Variants in RBFOX3 observed in about 807,000 individuals in gnomAD.
The protein encoded by RBFOX3 is RNA binding protein fox-1 homolog 3.
Under a neutral mutation model 48.7 loss-of-function variants are expected in RBFOX3, and 17 were observed. That is an observed-to-expected ratio of 0.35 (90% confidence interval 0.24 to 0.52). The LOEUF (loss-of-function observed/expected upper bound fraction) is 0.52, where lower values mean the gene tolerates loss of function less well. RBFOX3 is among the 20% of genes least tolerant of loss of function. The probability of loss-of-function intolerance (pLI) is 0.94; values close to 1 mark genes in which losing one functional copy is unlikely to be tolerated. For synonymous variants in RBFOX3, 212 were observed against 209.5 expected (o/e 1.01, Z -0.10); for missense variants, 382 against 497.5 (o/e 0.77, Z 2.21).
chr17:79,236,677 C>T (rs191600183), intron 3 of RBFOX3, among the ~76,000 whole-genome samples: 1 of 152,302 alleles, frequency 6.6e-6, no homozygotes, highest in East Asian at 1.9e-4. Context: ...AGGAACAGCT[C>T]AGTGATACGG....
intron 2 of RBFOX3, among the ~76,000 whole-genome samples, chr17:79,452,207 G>A (rs2073651757): frequency 6.6e-6 from 1 of 152,200 alleles, no homozygotes; most frequent in South Asian, 2.1e-4. Context: ...GAGGAAGGCG[G>A]AGGTGAGAGT....
intron 2 of RBFOX3, among the ~76,000 whole-genome samples, chr17:79,371,237 C>A (rs745318166): frequency 2.9e-4 from 44 of 152,250 alleles, no homozygotes; most frequent in Non-Finnish European, 1.5e-4. Context: ...CCACTTTGCT[C>A]TGCCTGGGCA....
At chr17:79,127,713 T>G (rs2037681824) in intron 4 of RBFOX3, among the ~76,000 whole-genome samples, 1 of 152,168 alleles carries the variant, frequency 6.6e-6, no homozygotes, top group Non-Finnish European at 1.5e-5. Flanking sequence ...CCAGGAAAGA[T>G]GTCCTGCCAT....
intron 2 of RBFOX3, among the ~76,000 whole-genome samples, chr17:79,360,149 C>T (rs1261287007): frequency 2.0e-5 from 3 of 152,138 alleles, no homozygotes; most frequent in Non-Finnish European, 4.4e-5. Context: ...AGCAAGCATG[C>T]TGTGCTCATG....
intron 4 of RBFOX3, among the ~76,000 whole-genome samples, chr17:79,159,494 C>G (rs562888810): frequency 6.6e-6 from 1 of 152,304 alleles, no homozygotes; most frequent in East Asian, 1.9e-4. Flanking sequence ...GCATCTGTGG[C>G]AGGCTCCTGG....
intron 1 of RBFOX3, among the ~76,000 whole-genome samples, chr17:79,544,317 G>A (rs782149789): frequency 2.0e-4 from 31 of 152,276 alleles, no homozygotes; most frequent in East Asian, 3.9e-4. Flanking sequence ...GAGCTCAGGC[G>A]CGCTGGCACG....
chr17:79,118,427 G>A (rs2034704352), intron 4 of RBFOX3, among the ~76,000 whole-genome samples: 1 of 152,154 alleles, frequency 6.6e-6, no homozygotes, highest in Non-Finnish European at 1.5e-5. Context: ...GTGGGAAGGG[G>A]TGGATCCATG....
At chr17:79,557,254 AG>A (rs1412344486) in intron 1 of RBFOX3, among the ~76,000 whole-genome samples, 1 of 150,184 alleles carries the variant, frequency 6.7e-6, no homozygotes, top group African/African-American at 2.4e-5. Context: ...AAAAAAGGAA[AG>A]GAAAGGAAAG....
intron 4 of RBFOX3, among the ~76,000 whole-genome samples, chr17:79,177,437 G>A (rs557810631): frequency 3.4e-4 from 52 of 152,320 alleles, no homozygotes; most frequent in African/African-American, 1.2e-3. Flanking sequence ...CTGGAGAGGA[G>A]AGGCGGGAGG....
chr17:79,442,017 A>G (rs963971369), intron 2 of RBFOX3, among the ~76,000 whole-genome samples: 53 of 151,858 alleles, frequency 3.5e-4, no homozygotes, highest in African/African-American at 1.2e-3. Flanking sequence ...TCCAGCCCCA[A>G]ACTTCTCAGG....
chr17:79,240,145 G>A (rs2062150663), intron 3 of RBFOX3, among the ~76,000 whole-genome samples: 1 of 152,220 alleles, frequency 6.6e-6, no homozygotes, highest in African/African-American at 2.4e-5. Context: ...ACCTCCCAAA[G>A]CCTTTAACCC....
intron 2 of RBFOX3, among the ~76,000 whole-genome samples, chr17:79,360,176 T>C (rs887916960): frequency 1.3e-5 from 2 of 152,160 alleles, no homozygotes; most frequent in African/African-American, 4.8e-5. Context: ...AAATACTTCA[T>C]GGTACTGGAG....
At chr17:79,375,212 G>A (rs2147768915) in intron 2 of RBFOX3, among the ~76,000 whole-genome samples, 1 of 152,312 alleles carries the variant, frequency 6.6e-6, no homozygotes, top group Non-Finnish European at 1.5e-5. Flanking sequence ...AAGAGTCAGT[G>A]AAGGAAAATC....
rs1160232700 is a variant in RBFOX3, at chr17:79,521,727, GCA to G, written c.-319-39131_-319-39130del. Among the ~76,000 whole-genome samples, 176 of 150,838 alleles carry G rather than the reference GCA, an allele frequency of 1.2e-3. 1 individual carries two copies. The highest frequency in any genetic ancestry group is 0.011 in the South Asian group (53 of 4,718). On this transcript the variant is annotated intron_variant, in intron 1 of 14. Coordinates refer to ENST00000693108, the MANE Select transcript of RBFOX3 (RefSeq NM_001350451.2). ...GAGACACACTTATACATTCACACAG[GCA>G]CACACACACACATATACATACACAA...
chr17:79,639,873 C>T, the RBFOX3 span, among the ~76,000 whole-genome samples: 17 of 152,054 alleles, frequency 1.1e-4, 1 homozygote, highest in Admixed American at 7.9e-4. Flanking sequence ...ATATCATAAT[C>T]AATGGGAAAA....
the RBFOX3 span, among the ~76,000 whole-genome samples, chr17:79,662,909 G>GCTCCAGAC: frequency 6.6e-6 from 1 of 152,032 alleles, no homozygotes; most frequent in Non-Finnish European, 1.5e-5. Context: ...TCTTCTCCCC[G>GCTCCAGAC]CTCCAGACCT....
intron 2 of RBFOX3, among the ~76,000 whole-genome samples, chr17:79,395,903 A>C (rs1434833992): frequency 6.6e-6 from 1 of 152,230 alleles, no homozygotes; most frequent in Non-Finnish European, 1.5e-5. Context: ...GCGGGGCTGC[A>C]GCTAGGCCAT....
chr17:79,137,057 G>C (rs146813199), intron 4 of RBFOX3, among the ~76,000 whole-genome samples: 1 of 152,078 alleles, frequency 6.6e-6, no homozygotes, highest in Non-Finnish European at 1.5e-5. Context: ...GCCCTCCTCC[G>C]GCTCGAGATC....
chr17:79,166,708 ACCCCTCCTGCCAGGGCTGG>A (rs2048082935), intron 4 of RBFOX3, among the ~76,000 whole-genome samples: 1 of 151,966 alleles, frequency 6.6e-6, no homozygotes, highest in Non-Finnish European at 1.5e-5. Flanking sequence ...GAGCCCATCC[ACCCCTCCTGCCAGGGCTGG>A]CCCCAGCCAG....
Sources: gnomAD v4.1 joint callset for allele counts (sites outside exome capture counted in the v4.1 genomes callset) on GRCh38, gnomAD v4.1.1 for gene constraint, MANE v1.5 for transcripts, NCBI Gene and HGNC (gene_info 2026-07-23, HGNC 2026-07-21) for gene names.